The following ATF7IP2 variants were observed in gnomAD, a reference collection of about 807,000 sequenced individuals.
ATF7IP2 encodes the protein activating transcription factor 7-interacting protein 2.
A neutral mutation model predicts 64.2 loss-of-function variants in ATF7IP2; 42 were observed. That is an observed-to-expected ratio of 0.65 (90% confidence interval 0.51 to 0.85). The LOEUF (loss-of-function observed/expected upper bound fraction) is 0.85. ATF7IP2 is among the 40% of genes least tolerant of loss of function. The pLI is 0.00. For missense variants in ATF7IP2, 933 were observed against 784.2 expected (o/e 1.19, Z -2.27); for synonymous variants, 308 against 272.8 (o/e 1.13, Z -1.27).
chr16:10,391,733 A>G (rs1187215883), intron 1 of ATF7IP2, among the ~76,000 whole-genome samples: 2 of 152,020 alleles, frequency 1.3e-5, no homozygotes, highest in African/African-American at 2.4e-5. Flanking sequence ...CACTATCTCT[A>G]CTAAAATACA....
chr16:10,459,666 C>CT, intron 9 of ATF7IP2, among the ~76,000 whole-genome samples: 1 of 152,130 alleles, frequency 6.6e-6, no homozygotes, highest in East Asian at 1.9e-4. Context: ...AATAAATACA[C>CT]TAATGTGATT....
intron 9 of ATF7IP2, among the ~76,000 whole-genome samples, chr16:10,470,222 T>TTA (rs1340336942): frequency 2.6e-5 from 4 of 152,036 alleles, no homozygotes; most frequent in Admixed American, 6.6e-5. Context: ...AGTTTAGAAA[T>TTA]TATATATATA....
chr16:10,425,290 G>C (rs923588963), intron 3 of ATF7IP2, among the ~76,000 whole-genome samples: 1 of 142,386 alleles, frequency 7.0e-6, no homozygotes, highest in Non-Finnish European at 1.5e-5. Context: ...GGCTGGTCTT[G>C]AACTCCTGAC....
chr16:10,430,046 G>A (rs1014131959), intron 4 of ATF7IP2, among the ~76,000 whole-genome samples: 1 of 151,454 alleles, frequency 6.6e-6, no homozygotes, highest in African/African-American at 2.4e-5. Context: ...TAGAGACAGG[G>A]TTTCACCACG....
chr16:10,444,318 C>T (rs978522813), intron 8 of ATF7IP2, among the ~76,000 whole-genome samples: 4 of 152,010 alleles, frequency 2.6e-5, no homozygotes, highest in African/African-American at 9.7e-5. Context: ...CCTTTTTCAC[C>T]TGAGTGTGAT....
intron 2 of ATF7IP2, among the ~76,000 whole-genome samples, chr16:10,416,202 G>A (rs1437894335): frequency 2.0e-5 from 3 of 152,170 alleles, no homozygotes; most frequent in African/African-American, 4.8e-5. Flanking sequence ...AGCAACCTAA[G>A]TGCTCATCAG....
In ATF7IP2 at chr16:10,433,544, G is replaced by A; in HGVS notation, c.855G>A (p.Arg285=). Residue 285 remains arginine, a synonymous_variant, in exon 6 of 14, where the codon AGG becomes AGA. Coordinates refer to ENST00000562102, the MANE Select transcript of ATF7IP2 (RefSeq NM_001393719.1). ...TNNNSHYQKK[R]MFSENEENVK... is the part of the protein sequence containing the mutation. ...CTCAAGGCCATTATCAAAAGAAGAGGATGTTTTCAGAAAACGAGGAAAATG... is the reference window on the plus strand; with the variant it reads ...CTCAAGGCCATTATCAAAAGAAGAGAATGTTTTCAGAAAACGAGGAAAATG... 2 of 1,612,538 alleles carry A rather than the reference G, an allele frequency of 1.2e-6. No homozygotes were observed. Among genetic ancestry groups the A allele is most frequent in the Non-Finnish European group, 8.5e-7 (1 of 1,178,736 alleles).
chr16:10,389,337 T>C (rs1037911781), intron 1 of ATF7IP2, among the ~76,000 whole-genome samples: 1 of 152,198 alleles, frequency 6.6e-6, no homozygotes, highest in South Asian at 2.1e-4. Context: ...ACGTGTGAAC[T>C]ACAGAACTGG....
chr16:10,420,581 C>G (rs1280908957), intron 3 of ATF7IP2, among the ~76,000 whole-genome samples: 1 of 152,164 alleles, frequency 6.6e-6, no homozygotes, highest in African/African-American at 2.4e-5. Context: ...AGGTGATCAG[C>G]CATTTGATTC....
chr16:10,427,835 G>A (rs531047940), intron 3 of ATF7IP2, among the ~76,000 whole-genome samples: 5 of 149,000 alleles, frequency 3.4e-5, no homozygotes, highest in Admixed American at 1.3e-4. Context: ...GGGTAACAGA[G>A]CAGCAAGACC....
intron 1 of ATF7IP2, among the ~76,000 whole-genome samples, chr16:10,390,547 C>T (rs1243441626): frequency 1.3e-5 from 2 of 152,064 alleles, no homozygotes; most frequent in South Asian, 2.1e-4. Context: ...CTTTGTGAGG[C>T]CAAGGTAGAG....
Position 10,480,916 on chromosome 16 carries a change from T to C in ATF7IP2, c.1587T>C (p.Ala529=). The change falls in exon 13 of 14, where the codon GCT becomes GCC. Residue 529 remains alanine, a synonymous_variant. Transcript: ENST00000562102. ...PVSPLESHSK[A]ASNSKETTPL... is the part of the protein sequence containing the mutation. ...CCCCCCTGGAGTCACATTCGAAAGC[T>C]GCTTCAAACTCAAAGGAAACAACCC... 1 of 1,613,372 alleles carries C rather than the reference T, an allele frequency of 6.2e-7. No individual in the cohort carries two copies. Among genetic ancestry groups the C allele is most frequent in the Non-Finnish European group, 8.5e-7 (1 of 1,179,348 alleles).
Position 10,455,454 on chromosome 16 carries a change from T to C in ATF7IP2, c.1195-1918T>C, listed in dbSNP as rs80152855. On this transcript the variant is annotated intron_variant, in intron 8 of 13. Coordinates refer to ENST00000562102, the MANE Select transcript of ATF7IP2 (RefSeq NM_001393719.1). ...GCTTAGTAAAACTGATTTCCAACTT[T>C]TGGCTTCTAAAGCTGTGATAAAATA... is the stretch of plus-strand genomic sequence containing the variant. Among the ~76,000 whole-genome samples, 387 of 152,356 alleles carry C rather than the reference T, an allele frequency of 2.5e-3. 3 individuals carry two copies. Among genetic ancestry groups the C allele is most frequent in the African/African-American group, 8.9e-3 (368 of 41,572 alleles).
intron 12 of ATF7IP2, among the ~76,000 whole-genome samples, chr16:10,474,553 G>C (rs922742170): frequency 1.3e-5 from 2 of 152,178 alleles, no homozygotes; most frequent in Non-Finnish European, 2.9e-5. Flanking sequence ...AATGTAGACA[G>C]AGAGTGACAA....
At chr16:10,400,642 T>TA (rs765615288) in intron 1 of ATF7IP2, among the ~76,000 whole-genome samples, 4 of 152,196 alleles carry the variant, frequency 2.6e-5, no homozygotes, top group Non-Finnish European at 5.9e-5. Context: ...TATATGGCCT[T>TA]ATGGCCTTTA....
chr16:10,460,704 CAT>C (rs1461858108), intron 9 of ATF7IP2, among the ~76,000 whole-genome samples: 4 of 152,000 alleles, frequency 2.6e-5, no homozygotes, highest in East Asian at 1.9e-4. Context: ...CAAAAAAACT[CAT>C]ATGGATTAAG....
chr16:10,431,748 T>G (rs2048262815), intron 5 of ATF7IP2, among the ~76,000 whole-genome samples: 1 of 152,130 alleles, frequency 6.6e-6, no homozygotes, highest in African/African-American at 2.4e-5. Context: ...TCTTCTTATT[T>G]TGAAGTTTTA....
At chr16:10,398,489 T>G (rs1022844784) in intron 1 of ATF7IP2, among the ~76,000 whole-genome samples, 2 of 152,148 alleles carry the variant, frequency 1.3e-5, no homozygotes, top group Non-Finnish European at 2.9e-5. Context: ...ATTAAATCAT[T>G]ATATTGAAGA....
intron 9 of ATF7IP2, among the ~76,000 whole-genome samples, chr16:10,468,180 C>G (rs931710911): frequency 2.0e-5 from 3 of 152,010 alleles, no homozygotes; most frequent in Non-Finnish European, 4.4e-5. Context: ...GTGCCTGGCC[C>G]AAATCAAATA....
Sources: allele counts gnomAD v4.1 joint callset (sites outside exome capture counted in the v4.1 genomes callset), GRCh38; gene constraint gnomAD v4.1.1; transcripts MANE v1.5; gene names NCBI Gene and HGNC (gene_info 2026-07-23, HGNC 2026-07-21).